TAFA2: variants seen among roughly 807,000 people sequenced by gnomAD.
TAFA2 encodes the protein chemokine-like protein TAFA-2.
A neutral mutation model predicts 18.8 loss-of-function variants in TAFA2; 7 were observed. That is an observed-to-expected ratio of 0.37 (90% confidence interval 0.21 to 0.70). TAFA2 has a LOEUF of 0.70. TAFA2 is among the 30% of genes least tolerant of loss of function. The probability of loss-of-function intolerance (pLI) is 0.53; values close to 1 mark genes in which losing one functional copy is unlikely to be tolerated. For missense variants in TAFA2, 122 were observed against 158.1 expected (o/e 0.77, Z 1.23); for synonymous variants, 60 against 54.2 (o/e 1.11, Z -0.47).
At chr12:62,060,510 C>T (rs1452520427) in intron 1 of TAFA2, among the ~76,000 whole-genome samples, 1 of 152,178 alleles carries the variant, frequency 6.6e-6, no homozygotes, top group African/African-American at 2.4e-5. Context: ...TTAATAATAA[C>T]AATAAATGAC....
At chr12:62,018,862 G>A (rs997520749) in intron 1 of TAFA2, among the ~76,000 whole-genome samples, 1 of 152,142 alleles carries the variant, frequency 6.6e-6, no homozygotes, top group Non-Finnish European at 1.5e-5. Context: ...CACAGCAAAA[G>A]AAACTACCAT....
chr12:62,089,529 A>G lies in TAFA2; in HGVS notation c.-2+101730T>C, dbSNP rs542177958. ...ATATGAAGAGCACCAGGACTTAACT[A>G]AAGTCTAAATTCAGCTCTAACATAA... On this transcript the variant is annotated intron_variant, in intron 1 of 4. Coordinates refer to ENST00000416284, the MANE Select transcript of TAFA2 (RefSeq NM_178539.5). 3.3e-5 allele frequency among the ~76,000 whole-genome samples: 5 copies of G among 152,134 alleles called. No individual in the cohort carries two copies. In the East Asian group the frequency reaches 7.7e-4, roughly 24 times the overall value.
At chr12:61,920,868 A>T (rs1008151510) in intron 1 of TAFA2, among the ~76,000 whole-genome samples, 1 of 152,090 alleles carries the variant, frequency 6.6e-6, no homozygotes, top group Non-Finnish European at 1.5e-5. Flanking sequence ...AAAAAAAGGA[A>T]CAAGTAGGGA....
intron 2 of TAFA2, among the ~76,000 whole-genome samples, chr12:61,819,161 G>C (rs1592410095): frequency 2.6e-5 from 4 of 152,232 alleles, no homozygotes; most frequent in African/African-American, 4.8e-5. Context: ...GAGTAGGTTT[G>C]TGTAGAGCAC....
chr12:61,895,000 A>G (rs1484180938), intron 1 of TAFA2, among the ~76,000 whole-genome samples: 2 of 152,196 alleles, frequency 1.3e-5, no homozygotes, highest in Non-Finnish European at 2.9e-5. Flanking sequence ...GTTTTTGAAT[A>G]GTATTTATCT....
At chr12:61,773,268 A>G (rs1870110716) in intron 2 of TAFA2, among the ~76,000 whole-genome samples, 1 of 152,084 alleles carries the variant, frequency 6.6e-6, no homozygotes, top group East Asian at 1.9e-4. Flanking sequence ...TATTGTAAAA[A>G]TAATCATACT....
chr12:62,213,111 T>A (rs2062720650), intron 1 of TAFA2, among the ~76,000 whole-genome samples: 1 of 152,230 alleles, frequency 6.6e-6, no homozygotes, highest in South Asian at 2.1e-4. Flanking sequence ...TCTTTTCTTT[T>A]GGATTTACAC....
intron 2 of TAFA2, among the ~76,000 whole-genome samples, chr12:61,769,621 TAGACC>T (rs1869940468): frequency 6.6e-6 from 1 of 151,978 alleles, no homozygotes; most frequent in Non-Finnish European, 1.5e-5. Flanking sequence ...AATGGGTGGC[TAGACC>T]AGGAAGAGAA....
intron 1 of TAFA2, among the ~76,000 whole-genome samples, chr12:62,208,265 A>C (rs1334507127): frequency 6.6e-6 from 1 of 152,152 alleles, no homozygotes; most frequent in Non-Finnish European, 1.5e-5. Flanking sequence ...TTCAGGGGTC[A>C]AGGACATATG....
At chr12:61,872,827 T>C (rs1440518475) in intron 1 of TAFA2, among the ~76,000 whole-genome samples, 2 of 151,862 alleles carry the variant, frequency 1.3e-5, no homozygotes, top group African/African-American at 4.8e-5. Flanking sequence ...ATGACCATCC[T>C]GCCCTCCAGA....
intron 1 of TAFA2, among the ~76,000 whole-genome samples, chr12:61,938,019 A>G (rs984269280): frequency 6.6e-6 from 1 of 152,100 alleles, no homozygotes; most frequent in Non-Finnish European, 1.5e-5. Flanking sequence ...CTCAAAAGAA[A>G]ATATGCAAGT....
At chr12:61,777,155 T>C (rs781651722) in intron 2 of TAFA2, among the ~76,000 whole-genome samples, 1 of 151,810 alleles carries the variant, frequency 6.6e-6, no homozygotes, top group Non-Finnish European at 1.5e-5. Context: ...CAAAACCAAT[T>C]AATGAATCAA....
intron 1 of TAFA2, among the ~76,000 whole-genome samples, chr12:62,077,349 T>C (rs1868256959): frequency 6.6e-6 from 1 of 152,242 alleles, no homozygotes; most frequent in African/African-American, 2.4e-5. Context: ...TCAAAGTCAT[T>C]GCAAAAGCTA....
At chr12:61,853,492 G>C (rs1873763313) in intron 2 of TAFA2, among the ~76,000 whole-genome samples, 1 of 152,076 alleles carries the variant, frequency 6.6e-6, no homozygotes, top group South Asian at 2.1e-4. Context: ...GGAGGAAATG[G>C]CAACAAAACC....
upstream of TAFA2, among the ~76,000 whole-genome samples, chr12:62,193,399 T>C (rs2062635970): frequency 6.6e-6 from 1 of 152,216 alleles, no homozygotes; most frequent in Non-Finnish European, 1.5e-5. Flanking sequence ...TCCTTCCAGC[T>C]CTAAAGGTCT....
At chr12:61,886,487 TC>T (rs1875386394) in intron 1 of TAFA2, among the ~76,000 whole-genome samples, 1 of 152,144 alleles carries the variant, frequency 6.6e-6, no homozygotes, top group Non-Finnish European at 1.5e-5. Context: ...CCTCCTGCCC[TC>T]CATAAGAATA....
At chr12:61,994,199 A>AT (rs904696931) in intron 1 of TAFA2, among the ~76,000 whole-genome samples, 1 of 152,096 alleles carries the variant, frequency 6.6e-6, no homozygotes, top group African/African-American at 2.4e-5. Context: ...CAGAGTCCAT[A>AT]TCTCCACTGA....
At chr12:62,104,743 C>G (rs1477994291) in intron 1 of TAFA2, 7 of 454,834 alleles carry the variant, frequency 1.5e-5, no homozygotes, top group Non-Finnish European at 3.1e-5. Context: ...CCTAAATTTA[C>G]CTGGTAATCG....
chr12:61,840,924 G>A (rs2198777), intron 2 of TAFA2, among the ~76,000 whole-genome samples: 42,955 of 151,928 alleles, frequency 0.28, 6,822 homozygotes, highest in South Asian at 0.4. Context: ...CCAAGGTAAA[G>A]CAAGGTCAAC....
Sources: gnomAD v4.1 joint callset for allele counts (sites outside exome capture counted in the v4.1 genomes callset) on GRCh38, gnomAD v4.1.1 for gene constraint, MANE v1.5 for transcripts, NCBI Gene and HGNC (gene_info 2026-07-23, HGNC 2026-07-21) for gene names.